Variants in LRMDA observed in about 807,000 individuals in gnomAD.
LRMDA encodes the protein leucine rich melanocyte differentiation associated, also known as leucine-rich melanocyte differentiation-associated protein.
Under a neutral mutation model 29.8 loss-of-function variants are expected in LRMDA, and 18 were observed. That is an observed-to-expected ratio of 0.60 (90% CI 0.42 to 0.90). The LOEUF (loss-of-function observed/expected upper bound fraction) is 0.90, where lower values mean the gene tolerates loss of function less well. Ranked by LOEUF, LRMDA falls within the 40% of genes least tolerant of loss-of-function variation. LRMDA has a pLI of 0.00. For missense variants in LRMDA, 273 were observed against 273.9 expected, an observed-to-expected ratio of 1.00 and a Z score of 0.02; for synonymous variants, 125 against 109.4, an observed-to-expected ratio of 1.14 and a Z score of -0.89.
Position 75,432,600 on chromosome 10 carries a change from C to T in LRMDA, c.30+846C>T, listed in dbSNP as rs532282417. ...CAGAGCCCTCTTACTTCCCACCTTTCCCTGCACACCCTGGAGAAATAGTTC... is the reference window on the plus strand; with the variant it reads ...CAGAGCCCTCTTACTTCCCACCTTTTCCTGCACACCCTGGAGAAATAGTTC... On this transcript the variant is annotated intron_variant, in intron 1 of 6. Transcript: ENST00000611255. 5.3e-5 allele frequency among the ~76,000 whole-genome samples: 8 copies of T among 152,358 alleles called. 1 individual carries two copies. In the South Asian group the frequency reaches 1.7e-3, roughly 32 times the overall value.
intron 2 of LRMDA, among the ~76,000 whole-genome samples, chr10:75,646,509 T>G (rs1841523381): frequency 6.6e-6 from 1 of 152,242 alleles, no homozygotes; most frequent in Non-Finnish European, 1.5e-5. Flanking sequence ...TTAGTACAGC[T>G]GCTGCATACC....
At chr10:76,046,249 G>C (rs1848436949) in intron 3 of LRMDA, among the ~76,000 whole-genome samples, 1 of 152,128 alleles carries the variant, frequency 6.6e-6, no homozygotes, top group Non-Finnish European at 1.5e-5. Context: ...GAGTTAGTAT[G>C]GGGACTAAGT....
rs996805512 is a variant in LRMDA at position 76,142,960 on chromosome 10, C to T, written c.516+84177C>T. On this transcript the variant is annotated intron_variant, in intron 5 of 6. Transcript: ENST00000611255. ...TGCGGTGTTTGGTTTTTTGTCCTTG[C>T]GATAGTTTACTGAGAATGATGGTTT... Among the ~76,000 whole-genome samples the T allele has an allele frequency of 4.0e-5, 6 of 149,304 alleles. 1 individual carries two copies. In the East Asian group the frequency reaches 5.8e-4, roughly 14 times the overall value.
At chr10:75,643,381 G>A (rs976484513) in intron 2 of LRMDA, among the ~76,000 whole-genome samples, 2 of 152,136 alleles carry the variant, frequency 1.3e-5, no homozygotes, top group African/African-American at 4.8e-5. Context: ...CCTATTAGAA[G>A]ATCAATAAGT....
intron 2 of LRMDA, among the ~76,000 whole-genome samples, chr10:75,475,885 T>A (rs1204259932): frequency 6.6e-6 from 1 of 152,188 alleles, no homozygotes; most frequent in Non-Finnish European, 1.5e-5. Context: ...AATGTTTTTC[T>A]CCTTCCGAAA....
At chr10:75,752,878 C>T (rs556171262) in intron 2 of LRMDA, among the ~76,000 whole-genome samples, 1 of 152,302 alleles carries the variant, frequency 6.6e-6, no homozygotes, top group East Asian at 1.9e-4. Context: ...GAGACCAATT[C>T]GAGTCTGAAT....
At chr10:75,772,084 C>T (rs1255681512) in intron 2 of LRMDA, among the ~76,000 whole-genome samples, 6 of 152,176 alleles carry the variant, frequency 3.9e-5, no homozygotes, top group African/African-American at 1.4e-4. Context: ...AAAACATTTT[C>T]AGTTGTAGCT....
At chr10:75,804,415 G>A (rs899160539) in intron 2 of LRMDA, among the ~76,000 whole-genome samples, 12 of 152,144 alleles carry the variant, frequency 7.9e-5, no homozygotes, top group African/African-American at 2.7e-4. Context: ...AATTCCTGTT[G>A]GTGTGCTGCA....
intron 2 of LRMDA, among the ~76,000 whole-genome samples, chr10:75,732,090 A>G (rs1842706117): frequency 6.6e-6 from 1 of 151,666 alleles, no homozygotes; most frequent in Admixed American, 6.5e-5. Flanking sequence ...TTACCTATGG[A>G]AATATGAATT....
intron 6 of LRMDA, among the ~76,000 whole-genome samples, chr10:76,405,369 G>T (rs561768953): frequency 6.6e-6 from 1 of 152,148 alleles, no homozygotes; most frequent in Non-Finnish European, 1.5e-5. Context: ...TGCAATAAAC[G>T]CTGCATTAGA....
intron 5 of LRMDA, among the ~76,000 whole-genome samples, chr10:76,085,634 G>C (rs971172158): frequency 3.3e-5 from 5 of 152,174 alleles, no homozygotes; most frequent in African/African-American, 1.2e-4. Context: ...TGTCCTTGGA[G>C]AGTCGGTCTC....
chr10:76,435,988 G>C (rs919950331), intron 6 of LRMDA, among the ~76,000 whole-genome samples: 19 of 152,168 alleles, frequency 1.2e-4, no homozygotes, highest in Non-Finnish European at 2.5e-4. Flanking sequence ...TGGGATATTG[G>C]TTATTTCCCC....
At chr10:75,450,691 G>A (rs544929335) in intron 2 of LRMDA, 2 of 152,308 alleles carry the variant, frequency 1.3e-5, no homozygotes, top group Admixed American at 6.5e-5. Flanking sequence ...ACTCTTAATA[G>A]TAGCAATTGC....
intron 2 of LRMDA, chr10:75,882,614 T>A (rs942184734): frequency 6.6e-6 from 1 of 152,194 alleles, no homozygotes; most frequent in Non-Finnish European, 1.5e-5. Context: ...AGAGGTGACA[T>A]CCAGCTCTCA....
At chr10:76,001,174 T>TG (rs1847556479) in intron 2 of LRMDA, among the ~76,000 whole-genome samples, 1 of 152,210 alleles carries the variant, frequency 6.6e-6, no homozygotes, top group Non-Finnish European at 1.5e-5. Context: ...TTCTTCCTTA[T>TG]GGCTTCCGGT....
chr10:76,428,649 G>A (rs190554755), intron 6 of LRMDA, among the ~76,000 whole-genome samples: 147 of 152,210 alleles, frequency 9.7e-4, no homozygotes, highest in African/African-American at 3.5e-3. Flanking sequence ...GATACAGTGG[G>A]GGTGAATGAG....
chr10:75,778,938 A>C (rs902390350), intron 2 of LRMDA, among the ~76,000 whole-genome samples: 4 of 152,222 alleles, frequency 2.6e-5, no homozygotes, highest in African/African-American at 9.6e-5. Context: ...GAATAAGGGA[A>C]GTTCACATTT....
At chr10:75,679,573 T>C (rs1310788890) in intron 2 of LRMDA, among the ~76,000 whole-genome samples, 1 of 152,224 alleles carries the variant, frequency 6.6e-6, no homozygotes, top group African/African-American at 2.4e-5. Flanking sequence ...GGGGTATTTG[T>C]GAGGATTAAA....
At chr10:75,818,576 C>T (rs1844099973) in intron 2 of LRMDA, among the ~76,000 whole-genome samples, 1 of 152,188 alleles carries the variant, frequency 6.6e-6, no homozygotes, top group Non-Finnish European at 1.5e-5. Flanking sequence ...CCTTCTTCTC[C>T]AGAGGTGCCC....
Sources: allele counts gnomAD v4.1 joint callset (sites outside exome capture counted in the v4.1 genomes callset), GRCh38; gene constraint gnomAD v4.1.1; transcripts MANE v1.5; gene names NCBI Gene and HGNC (gene_info 2026-07-23, HGNC 2026-07-21).